Variants in TTC1 observed in about 807,000 individuals in gnomAD.
TTC1 encodes tetratricopeptide repeat protein 1.
A neutral mutation model predicts 37.6 loss-of-function variants in TTC1; 31 were observed. The ratio of observed to expected loss-of-function variants is 0.82; its 90% CI spans 0.62 to 1.11. The LOEUF (loss-of-function observed/expected upper bound fraction) is 1.11. Ranked by LOEUF, TTC1 falls within the 50% of genes most tolerant of loss-of-function variation. The pLI, the probability that TTC1 is intolerant of heterozygous loss-of-function variation, is 0.00. For missense variants in TTC1, 351 were observed against 339.0 expected (o/e 1.04, Z -0.28); for synonymous variants, 127 against 122.4 (o/e 1.04, Z -0.25).
At chr5:160,034,877 A>C (rs1158519680) in intron 2 of TTC1, among the ~76,000 whole-genome samples, 6 of 152,248 alleles carry the variant, frequency 3.9e-5, no homozygotes, top group Admixed American at 6.5e-5. Context: ...ATTCCATTGC[A>C]AAAGATAGAA....
rs941996549 is a variant in TTC1 at position 160,057,564 on chromosome 5, G to A, written c.745+6381G>A. Among the ~76,000 whole-genome samples the A allele has an allele frequency of 2.6e-5, 4 of 152,144 alleles. No homozygotes were observed. The highest frequency in any genetic ancestry group is 5.9e-5 in the Non-Finnish European group (4 of 68,024). On this transcript the variant is annotated intron_variant, in intron 7 of 7. Transcript: ENST00000231238. This position sits in a 1 kb window ranked among gnomAD's most constrained non-coding sequence, Gnocchi z 4.4. ...ATCAGGTTGGTAGTTGCTAAACATT[G>A]GGGTGTCTGTGGCAGTATCTTTAAA...
intron 2 of TTC1, 71 bp downstream of exon 2, chr5:160,010,929 A>G (rs1290299534): frequency 4.4e-6 from 6 of 1,368,214 alleles, no homozygotes; most frequent in African/African-American, 1.4e-5. Context: ...ATACTGTATC[A>G]TAGACCACCT....
intron 7 of TTC1, among the ~76,000 whole-genome samples, chr5:160,060,312 ATCAAT>A (rs1757663771): frequency 6.6e-6 from 1 of 152,236 alleles, no homozygotes; most frequent in Non-Finnish European, 1.5e-5. Flanking sequence ...TGTATAACAA[ATCAAT>A]TGGGTTATGG....
rs201420281 is a variant in TTC1, at chr5:160,019,580, CTTT to C, written c.330+8743_330+8745del. On this transcript the variant is annotated intron_variant, in intron 2 of 7. Coordinates refer to ENST00000231238, the MANE Select transcript of TTC1 (RefSeq NM_003314.3). ...TTTGTTGTTTCCCTTTTCTTTCATT[CTTT>C]TTTTTTTTTTTTTTTTTTTTGAGAT... Among the ~76,000 whole-genome samples, 614 of 108,682 alleles carry C rather than the reference CTTT, an allele frequency of 5.6e-3. 3 individuals are homozygous for C. The highest frequency in any genetic ancestry group is 0.019 in the African/African-American group (549 of 28,348). 71.3% of individuals were successfully genotyped at this position (108,682 alleles called of 152,430 possible).
chr5:160,010,449 T>G (rs1395564119), intron 1 of TTC1, 51 bp from the exon 2 acceptor site: 65 of 1,297,890 alleles, frequency 5.0e-5, no homozygotes, highest in Non-Finnish European at 6.7e-5. Context: ...AAACAGAACT[T>G]TTAAAAATAC....
chr5:160,055,044 T>C (rs1757507609), intron 7 of TTC1, among the ~76,000 whole-genome samples: 1 of 152,148 alleles, frequency 6.6e-6, no homozygotes, highest in South Asian at 2.1e-4. Context: ...GTTGGTTCTT[T>C]GCACATGAGT....
intron 2 of TTC1, among the ~76,000 whole-genome samples, chr5:160,020,178 C>A (rs1030376346): frequency 6.6e-6 from 1 of 152,266 alleles, no homozygotes; most frequent in Non-Finnish European, 1.5e-5. Flanking sequence ...ATCCGCCCGC[C>A]CCAGCCTCCT....
intron 7 of TTC1, among the ~76,000 whole-genome samples, chr5:160,060,258 G>A (rs1757662119): frequency 6.6e-6 from 1 of 152,152 alleles, no homozygotes; most frequent in African/African-American, 2.4e-5. Flanking sequence ...TTATGCTCAG[G>A]GTAAACTGCC....
intron 7 of TTC1, 63 bp downstream of exon 7, chr5:160,051,246 G>A (rs542185733): frequency 4.5e-6 from 6 of 1,320,440 alleles, no homozygotes; most frequent in African/African-American, 4.4e-5. Flanking sequence ...GGGACATAGC[G>A]AATACTAGAG....
At chr5:160,035,559 G>A (rs1040951727) in intron 3 of TTC1, among the ~76,000 whole-genome samples, 11 of 152,228 alleles carry the variant, frequency 7.2e-5, no homozygotes, top group Non-Finnish European at 2.9e-5. Flanking sequence ...CACTTGCTGT[G>A]GGGCTGTGAA....
intron 2 of TTC1, among the ~76,000 whole-genome samples, chr5:160,012,970 T>G (rs1756527409): frequency 6.6e-6 from 1 of 152,228 alleles, no homozygotes; most frequent in African/African-American, 2.4e-5. Context: ...GGTGGTTTTT[T>G]CCTGTTCCAG....
At chr5:160,051,241 A>G in intron 7 of TTC1, 58 bp downstream of exon 7, 6 of 1,407,824 alleles carry the variant, frequency 4.3e-6, no homozygotes, top group Non-Finnish European at 6.0e-6. Context: ...GGGTGGGGAC[A>G]TAGCGAATAC....
At chr5:160,027,416 C>T (rs541853097) in intron 2 of TTC1, among the ~76,000 whole-genome samples, 1 of 152,276 alleles carries the variant, frequency 6.6e-6, no homozygotes, top group East Asian at 1.9e-4. Flanking sequence ...TCCTCCACTT[C>T]GAACTATCGT....
At chr5:160,015,241 C>T (rs755712932) in intron 2 of TTC1, among the ~76,000 whole-genome samples, 5 of 152,176 alleles carry the variant, frequency 3.3e-5, no homozygotes, top group Non-Finnish European at 7.4e-5. Flanking sequence ...CCAAGTCTCG[C>T]TCTGTTGCCC....
chr5:160,045,888 G>A (rs911252381), intron 5 of TTC1, among the ~76,000 whole-genome samples: 1 of 151,926 alleles, frequency 6.6e-6, no homozygotes, highest in Non-Finnish European at 1.5e-5. Flanking sequence ...GACTACGGGC[G>A]CATGCCACCA....
chr5:160,048,129 T>C (rs937576129), intron 5 of TTC1, among the ~76,000 whole-genome samples: 1 of 4,092 alleles, frequency 2.4e-4, no homozygotes, highest in African/African-American at 1.3e-3. Context: ...GACATTGCTT[T>C]TTTTTTTTTT....
chr5:160,045,314 A>G (rs1469541396), intron 5 of TTC1, among the ~76,000 whole-genome samples: 1 of 152,128 alleles, frequency 6.6e-6, no homozygotes, highest in Non-Finnish European at 1.5e-5. Flanking sequence ...TGTTTTCCGC[A>G]TTTGTTTTTG....
chr5:160,043,291 C>T, intron 5 of TTC1, 122 bp downstream of exon 5: 1 of 881,170 alleles, frequency 1.1e-6, no homozygotes, highest in Non-Finnish European at 1.7e-6. Context: ...CAAGAGGCAA[C>T]TTTATAATTA....
intron 7 of TTC1, among the ~76,000 whole-genome samples, chr5:160,058,236 G>T (rs766528900): frequency 6.6e-6 from 1 of 152,060 alleles, no homozygotes; most frequent in Non-Finnish European, 1.5e-5. Context: ...ATCTTCAAGC[G>T]CCACTCGAAT....
Sources: gnomAD v4.1 joint callset for allele counts (sites outside exome capture counted in the v4.1 genomes callset) on GRCh38, gnomAD v4.1.1 for gene constraint, Gnocchi (gnomAD v3.1) non-coding constraint, MANE v1.5 for transcripts, NCBI Gene and HGNC (gene_info 2026-07-23, HGNC 2026-07-21) for gene names.